PIEZO2: variants seen among roughly 807,000 people sequenced by gnomAD.
The protein encoded by PIEZO2 is piezo type mechanosensitive ion channel component 2, also known as piezo-type mechanosensitive ion channel component 2.
A neutral mutation model predicts 337.3 loss-of-function variants in PIEZO2; 172 were observed. That is an observed-to-expected ratio of 0.51 (90% CI 0.45 to 0.58). PIEZO2 has a LOEUF of 0.58. Among genes scored for constraint, PIEZO2 ranks in the 20% least tolerant of loss-of-function variants. The probability of loss-of-function intolerance (pLI) is 0.00; values close to 1 mark genes in which losing one functional copy is unlikely to be tolerated. For synonymous variants in PIEZO2, 1,251 were observed against 1,228.5 expected, an observed-to-expected ratio of 1.02 and a Z score of -0.38; for missense variants, 3,028 against 3,391.3, an observed-to-expected ratio of 0.89 and a Z score of 2.66.
intron 1 of PIEZO2, among the ~76,000 whole-genome samples, chr18:11,091,807 G>A (rs2039100656): frequency 6.6e-6 from 1 of 152,154 alleles, no homozygotes; most frequent in South Asian, 2.1e-4. Flanking sequence ...CACTGACTTA[G>A]GGATTAGGAA....
intron 1 of PIEZO2, among the ~76,000 whole-genome samples, chr18:11,086,908 A>G (rs2038934853): frequency 6.6e-6 from 1 of 152,216 alleles, no homozygotes; most frequent in Non-Finnish European, 1.5e-5. Flanking sequence ...TGAGTGGCCA[A>G]TCCCATGTGT....
At chr18:10,883,035 C>T (rs2042468690) in intron 4 of PIEZO2, among the ~76,000 whole-genome samples, 1 of 151,944 alleles carries the variant, frequency 6.6e-6, no homozygotes. Flanking sequence ...GACATGGTTT[C>T]ACCATGTTGG....
rs2041530716 is a variant in PIEZO2 at position 10,850,987 on chromosome 18, G to T, written c.917+4366C>A. Among the ~76,000 whole-genome samples, 1 of 152,078 alleles carries T rather than the reference G, an allele frequency of 6.6e-6. No individual in the cohort carries two copies. The highest frequency in any genetic ancestry group is 6.6e-5 in the Admixed American group (1 of 15,266). ...GCTTTTTTACCAGAAGATAAAAATT[G>T]CTTGGACTGTTTTAAGGGCAGCTTT... On this transcript the variant is annotated intron_variant, in intron 7 of 55. Coordinates refer to ENST00000674853, the MANE Select transcript of PIEZO2 (RefSeq NM_001378183.1). The surrounding 1 kb of genome is among the most constrained non-coding windows in gnomAD (Gnocchi z 4.5).
intron 27 of PIEZO2, among the ~76,000 whole-genome samples, chr18:10,757,760 G>A (rs1266491104): frequency 6.6e-6 from 1 of 151,972 alleles, no homozygotes; most frequent in East Asian, 1.9e-4. Flanking sequence ...CCATAAAGAG[G>A]CGGTTTACAT....
At chr18:10,908,302 G>A (rs2030144074) in intron 4 of PIEZO2, 2 of 152,230 alleles carry the variant, frequency 1.3e-5, no homozygotes, top group Admixed American at 6.5e-5. Flanking sequence ...AAGCTTTGCA[G>A]CTTTAGCTGA....
At chr18:10,720,130 A>G (rs1359280392) in intron 36 of PIEZO2, among the ~76,000 whole-genome samples, 1 of 150,766 alleles carries the variant, frequency 6.6e-6, no homozygotes, top group Non-Finnish European at 1.5e-5. Flanking sequence ...ATATGTCCAG[A>G]TTATACTTAA....
intron 27 of PIEZO2, among the ~76,000 whole-genome samples, chr18:10,753,558 G>A (rs1209878771): frequency 1.3e-5 from 2 of 152,192 alleles, no homozygotes; most frequent in African/African-American, 2.4e-5. Flanking sequence ...ACACCTACAG[G>A]CCAAGTCCCA....
chr18:10,768,202 G>A (rs2038447997), intron 21 of PIEZO2, among the ~76,000 whole-genome samples: 1 of 152,194 alleles, frequency 6.6e-6, no homozygotes, highest in Non-Finnish European at 1.5e-5. Context: ...CTCTGTGGGT[G>A]CACAATTTTA....
intron 29 of PIEZO2, among the ~76,000 whole-genome samples, chr18:10,749,141 A>C (rs2037544448): frequency 6.6e-6 from 1 of 151,972 alleles, no homozygotes; most frequent in South Asian, 2.1e-4. Flanking sequence ...TGAAATAGAA[A>C]TCACATAATA....
In PIEZO2 at chr18:10,675,206, T is replaced by C; in HGVS notation, c.8161+3A>G. The C allele has an allele frequency of 1.3e-6, 2 of 1,526,142 alleles. No individual in the cohort carries two copies. Among genetic ancestry groups the C allele is most frequent in the Non-Finnish European group, 1.8e-6 (2 of 1,121,514 alleles). The allele number at this position is 1,526,142 out of a possible 1,614,324, so 94.5% of individuals were successfully genotyped here. ...TTCTGAAACAAATTTTTCTCATTCT[T>C]ACCAGATAAAAGTTGCTTTATAGGT... On this transcript the variant is annotated splice_donor_region_variant and intron_variant, in intron 54 of 55. Transcript: ENST00000674853.
intron 5 of PIEZO2, among the ~76,000 whole-genome samples, chr18:10,865,865 G>T (rs541145944): frequency 1.3e-5 from 2 of 152,282 alleles, no homozygotes; most frequent in African/African-American, 4.8e-5. Flanking sequence ...TACCCCCCAA[G>T]AAAGGAACAC....
rs189266790 is a variant in PIEZO2 at position 10,807,733 on chromosome 18, T to C, written c.918-459A>G. On this transcript the variant is annotated intron_variant, in intron 7 of 55. Coordinates refer to ENST00000674853, the MANE Select transcript of PIEZO2 (RefSeq NM_001378183.1). ...CAGCATTAGTTGTACTCAGCTAGTG[T>C]TGACATTATTGGGCTAGTTCTACAG... Among the ~76,000 whole-genome samples, 6 of 152,054 alleles carry C rather than the reference T, an allele frequency of 3.9e-5. No individual in the cohort carries two copies. In the East Asian group the frequency reaches 9.7e-4, roughly 25 times the overall value.
intron 2 of PIEZO2, among the ~76,000 whole-genome samples, chr18:10,992,011 A>G (rs1310090258): frequency 6.6e-6 from 1 of 152,136 alleles, no homozygotes; most frequent in Non-Finnish European, 1.5e-5. Flanking sequence ...TATGTTCATT[A>G]GATGCATAAA....
At position 10,854,960 on chromosome 18, in the gene PIEZO2, TCTG is replaced by T. The variant is rs2041660910; in HGVS notation, c.917+390_917+392del. On this transcript the variant is annotated intron_variant, in intron 7 of 55. Coordinates refer to ENST00000674853, the MANE Select transcript of PIEZO2 (RefSeq NM_001378183.1). This position sits in a 1 kb window ranked among gnomAD's most constrained non-coding sequence, Gnocchi z 4.6. ...TAAGCTTTTACAATTAGTTAATGTT[TCTG>T]ACGCTTAATTTGTTCTCGTATATTA... 3.3e-5 allele frequency among the ~76,000 whole-genome samples: 5 copies of T among 152,346 alleles called. No individual in the cohort carries two copies. Among genetic ancestry groups the T allele is most frequent in the Non-Finnish European group, 7.3e-5 (5 of 68,032 alleles).
At chr18:10,754,381 C>G (rs1183346744) in intron 27 of PIEZO2, among the ~76,000 whole-genome samples, 1 of 152,220 alleles carries the variant, frequency 6.6e-6, no homozygotes, top group Non-Finnish European at 1.5e-5. Flanking sequence ...GGCTGTGCTT[C>G]TGACCAGCAA....
intron 20 of PIEZO2, among the ~76,000 whole-genome samples, chr18:10,772,244 C>T (rs1363237755): frequency 1.3e-5 from 2 of 152,118 alleles, no homozygotes; most frequent in Non-Finnish European, 1.5e-5. Flanking sequence ...GGCAGGACTA[C>T]TGTATTTAGA....
chr18:11,068,013 C>A (rs990416381), intron 1 of PIEZO2, among the ~76,000 whole-genome samples: 3 of 152,196 alleles, frequency 2.0e-5, no homozygotes, highest in African/African-American at 7.2e-5. Flanking sequence ...GCTCCGCCTC[C>A]CAGGTTCACG....
chr18:10,717,571 T>G (rs2036064786), intron 37 of PIEZO2, among the ~76,000 whole-genome samples: 1 of 152,238 alleles, frequency 6.6e-6, no homozygotes, highest in Admixed American at 6.5e-5. Context: ...CGAGTTCATT[T>G]CATTTGGAGG....
chr18:10,757,866 C>T lies in PIEZO2; in HGVS notation c.3923+103G>A, dbSNP rs1203053592. 5 of 1,210,368 alleles carry T rather than the reference C, an allele frequency of 4.1e-6. No homozygotes were observed. In the African/African-American group the frequency reaches 7.7e-5, roughly 19 times the overall value. The allele number at this position is 1,210,368 out of a possible 1,614,324, so 75.0% of individuals were successfully genotyped here. ...TTTATTAACTTCAGTGTATACAATT[C>T]AGCAGATCTGTTTCCCAAGTATAGC... is the stretch of plus-strand genomic sequence containing the variant. On this transcript the variant is annotated intron_variant, in intron 27 of 55. Transcript: ENST00000674853.
Sources: allele counts gnomAD v4.1 joint callset (sites outside exome capture counted in the v4.1 genomes callset), GRCh38; gene constraint gnomAD v4.1.1; non-coding constraint Gnocchi (gnomAD v3.1); transcripts MANE v1.5; gene names NCBI Gene and HGNC (gene_info 2026-07-23, HGNC 2026-07-21).